UBQLN1: variants seen among roughly 807,000 people sequenced by gnomAD.
The protein encoded by UBQLN1 is ubiquilin 1, also known as ubiquilin-1.
UBQLN1 carries 13 observed loss-of-function variants against 65.4 expected under a neutral mutation model. The ratio of observed to expected loss-of-function variants is 0.20; its 90% confidence interval spans 0.13 to 0.32. The LOEUF (loss-of-function observed/expected upper bound fraction) is 0.32. Ranked by LOEUF, UBQLN1 falls within the 10% of genes least tolerant of loss-of-function variation. UBQLN1 has a pLI of 1.00. For synonymous variants in UBQLN1, 267 were observed against 247.8 expected, an observed-to-expected ratio of 1.08 and a Z score of -0.73; for missense variants, 561 against 724.0, an observed-to-expected ratio of 0.77 and a Z score of 2.58.
At chr9:83,706,577 T>C (rs1832411084) in intron 1 of UBQLN1, among the ~76,000 whole-genome samples, 1 of 152,234 alleles carries the variant, frequency 6.6e-6, no homozygotes, top group Non-Finnish European at 1.5e-5. Context: ...GTTCACGTTG[T>C]TTGCGATCTT....
In UBQLN1 at chr9:83,689,190, GCTT is replaced by G. The variant is rs568134259; in HGVS notation, c.181-3038_181-3036del. On this transcript the variant is annotated intron_variant, in intron 1 of 10. Transcript: ENST00000376395. The stretch of plus-strand genomic sequence containing the variant: ...TTATAACATATGGTCTTTGTGACTA[GCTT>G]CTTATACTTGGCATGTTTACAAGAT... Among the ~76,000 whole-genome samples the G allele has an allele frequency of 1.2e-4, 18 of 152,260 alleles. No individual in the cohort carries two copies. In the South Asian group the frequency reaches 3.7e-3, roughly 32 times the overall value.
chr9:83,692,369 T>C (rs1832142518), intron 1 of UBQLN1, among the ~76,000 whole-genome samples: 1 of 152,192 alleles, frequency 6.6e-6, no homozygotes, highest in Admixed American at 6.5e-5. Context: ...ATTTTATCAC[T>C]AACATTTGAA....
chr9:83,683,366 G>A (rs1287254550), intron 2 of UBQLN1, among the ~76,000 whole-genome samples: 2 of 143,192 alleles, frequency 1.4e-5, no homozygotes, highest in Non-Finnish European at 3.0e-5. Context: ...GAGCGAGATC[G>A]CGCCACTGCA....
At chr9:83,691,010 C>A (rs976820061) in intron 1 of UBQLN1, among the ~76,000 whole-genome samples, 2 of 151,856 alleles carry the variant, frequency 1.3e-5, no homozygotes, top group African/African-American at 4.8e-5. Flanking sequence ...TCGTGGCACA[C>A]ACCTGCAATC....
chr9:83,670,599 C>A (rs1157535848), intron 6 of UBQLN1, among the ~76,000 whole-genome samples: 1 of 152,160 alleles, frequency 6.6e-6, no homozygotes, highest in African/African-American at 2.4e-5. Context: ...AAGCTGCTAA[C>A]AGTGAGTCAG....
intron 1 of UBQLN1, among the ~76,000 whole-genome samples, chr9:83,703,502 G>A (rs1385175685): frequency 6.6e-6 from 1 of 151,850 alleles, no homozygotes; most frequent in Non-Finnish European, 1.5e-5. Context: ...ATCTCATTAT[G>A]TATATACAAA....
chr9:83,702,983 TA>T (rs1185272304), intron 1 of UBQLN1, among the ~76,000 whole-genome samples: 1 of 152,260 alleles, frequency 6.6e-6, no homozygotes, highest in East Asian at 1.9e-4. Flanking sequence ...ATTTTACACA[TA>T]ACCTAACAGT....
At position 83,682,967 on chromosome 9, in the gene UBQLN1, G is replaced by A; in HGVS notation, c.432C>T (p.Ser144=). 1.9e-6 allele frequency: 3 copies of A among 1,609,544 alleles called. No individual in the cohort carries two copies. The highest frequency in any genetic ancestry group is 2.5e-6 in the Non-Finnish European group (3 of 1,176,926). Residue 144 remains serine (S), a synonymous_variant, in exon 3 of 11, where the codon AGC becomes AGT. Coordinates refer to ENST00000376395, the MANE Select transcript of UBQLN1 (RefSeq NM_013438.5). ...GACACTTACCTAAACCAAAAGGGTTGCTAGTAGCAGAACCAGATGTAGAGT... is the reference window on the plus strand; with the variant it reads ...GACACTTACCTAAACCAAAAGGGTTACTAGTAGCAGAACCAGATGTAGAGT... ...NSNSTSGSAT[S]NPFGLGGLGG...
intron 1 of UBQLN1, among the ~76,000 whole-genome samples, chr9:83,687,009 T>C (rs1489413120): frequency 6.6e-6 from 1 of 152,080 alleles, no homozygotes; most frequent in Non-Finnish European, 1.5e-5. Context: ...TAAAGTATAC[T>C]TAATCTGTAT....
intron 2 of UBQLN1, among the ~76,000 whole-genome samples, chr9:83,685,310 T>G (rs1832021605): frequency 6.6e-6 from 1 of 152,128 alleles, no homozygotes; most frequent in Non-Finnish European, 1.5e-5. Flanking sequence ...CAGAACAGAG[T>G]TTGATACTGT....
chr9:83,684,110 C>T (rs1419486690), intron 2 of UBQLN1, among the ~76,000 whole-genome samples: 1 of 151,960 alleles, frequency 6.6e-6, no homozygotes, highest in African/African-American at 2.4e-5. Flanking sequence ...TTACTCTGGC[C>T]CTTGAAATTC....
intron 4 of UBQLN1, 113 bp downstream of exon 4, chr9:83,679,662 G>T: frequency 8.6e-7 from 1 of 1,167,606 alleles, no homozygotes; most frequent in South Asian, 1.8e-5. Flanking sequence ...CCAAGATAAG[G>T]ATTTCTCTCT....
At chr9:83,665,282 C>T (rs1233855531) in intron 8 of UBQLN1, 137 bp from the exon 9 acceptor site, 1 of 540,920 alleles carries the variant, frequency 1.8e-6, no homozygotes, top group East Asian at 3.3e-5. Flanking sequence ...AATTTCTTTC[C>T]CAAAATAAAC....
rs747110717 is a variant in UBQLN1 at position 83,683,065 on chromosome 9, G to A, written c.334C>T (p.Pro112Ser). The A allele has an allele frequency of 3.1e-6, 5 of 1,603,720 alleles. No individual in the cohort carries two copies. The East Asian group carries it at 6.7e-5, about 21-fold the overall frequency. ...VHLVIKTQNR[P>S]QDHSAQQTNT... is the part of the protein sequence containing the mutation. ...GTTTGCTGAGCTGAATGATCCTGAG[G>A]CCTAGGGAAAATAATTAATCACAGA... Residue 112 changes from proline to serine, a missense_variant and splice_region_variant, in exon 3 of 11, where the codon CCT becomes TCT. This residue lies in a region of UBQLN1 where 18 missense variants were observed against 45.1 expected (regional missense o/e 0.40). Coordinates refer to ENST00000376395, the MANE Select transcript of UBQLN1 (RefSeq NM_013438.5).
Position 83,665,085 on chromosome 9 carries a change from G to T in UBQLN1, c.1393C>A (p.Gln465Lys). Residue 465 changes from glutamine (Q) to lysine (K), a missense_variant, in exon 9 of 11, where the codon CAG becomes AAG. Around this residue, in one of 8 missense-constraint regions of UBQLN1, gnomAD observed 102 missense variants for 150.7 expected, o/e 0.68. Coordinates refer to ENST00000376395, the MANE Select transcript of UBQLN1 (RefSeq NM_013438.5). ...AATGTCTGTAAACCCTGCTGAATCT[G>T]TAACAAGGCCTGCATTGCTCTAGGG... ...SNPRAMQALL[Q>K]IQQGLQTLAT... The T allele has an allele frequency of 6.2e-7, 1 of 1,614,038 alleles. No homozygotes were observed.
chr9:83,669,100 C>G, intron 7 of UBQLN1, 85 bp downstream of exon 7: 1 of 1,496,012 alleles, frequency 6.7e-7, no homozygotes, highest in African/African-American at 1.4e-5. Flanking sequence ...TCATACACAA[C>G]ACAAATGTGC....
At chr9:83,706,395 A>G (rs532361335) in intron 1 of UBQLN1, among the ~76,000 whole-genome samples, 1 of 152,232 alleles carries the variant, frequency 6.6e-6, no homozygotes, top group Non-Finnish European at 1.5e-5. Flanking sequence ...AGACAAAAAC[A>G]AAAGTGATAA....
intron 1 of UBQLN1, among the ~76,000 whole-genome samples, chr9:83,686,956 T>C (rs1438518198): frequency 6.6e-6 from 1 of 152,010 alleles, no homozygotes; most frequent in Admixed American, 6.6e-5. Flanking sequence ...GAGACACTTC[T>C]GGTCCCAAGT....
chr9:83,678,705 AC>A (rs1460817610), intron 4 of UBQLN1, 106 bp from the exon 5 acceptor site: 1 of 1,221,550 alleles, frequency 8.2e-7, no homozygotes, highest in Admixed American at 2.3e-5. Context: ...ATGGGAGGCC[AC>A]TGTTTTGTTT....
Sources: allele counts gnomAD v4.1 joint callset (sites outside exome capture counted in the v4.1 genomes callset), GRCh38; gene constraint gnomAD v4.1.1; regional missense constraint gnomAD v4.1.1; transcripts MANE v1.5; gene names NCBI Gene and HGNC (gene_info 2026-07-23, HGNC 2026-07-21).